JKAMP: variants seen among roughly 807,000 people sequenced by gnomAD.
JKAMP encodes JNK1/MAPK8 associated membrane protein.
Under a neutral mutation model 40.2 loss-of-function variants are expected in JKAMP, and 20 were observed. The ratio of observed to expected loss-of-function variants is 0.50; its 90% CI spans 0.35 to 0.72. JKAMP has a LOEUF of 0.72. Among genes scored for constraint, JKAMP ranks in the 30% least tolerant of loss-of-function variants. JKAMP has a pLI of 0.01. For synonymous variants in JKAMP, 138 were observed against 131.6 expected (o/e 1.05, Z -0.33); for missense variants, 276 against 373.0 (o/e 0.74, Z 2.14).
intron 3 of JKAMP, among the ~76,000 whole-genome samples, chr14:59,491,150 G>A (rs1192294863): frequency 6.6e-6 from 1 of 152,170 alleles, no homozygotes; most frequent in Non-Finnish European, 1.5e-5. Flanking sequence ...TAAAAACTGG[G>A]GATAACCCCT....
chr14:59,502,764 T>TTTGTTTTG (rs1566584020), intron 6 of JKAMP, among the ~76,000 whole-genome samples: 2 of 130,472 alleles, frequency 1.5e-5, no homozygotes, highest in African/African-American at 3.2e-5. Flanking sequence ...TTTTTTTTTT[T>TTTGTTTTG]TTTTTTTTTC....
chr14:59,495,292 T>C (rs1891363997), intron 4 of JKAMP, 68 bp downstream of exon 4: 2 of 1,280,750 alleles, frequency 1.6e-6, no homozygotes, highest in African/African-American at 1.5e-5. Flanking sequence ...ATAGATTTTA[T>C]GGCGTTTGGA....
At chr14:59,498,936 A>C (rs1431692081) in intron 5 of JKAMP, 28 bp downstream of exon 5, 2 of 1,376,448 alleles carry the variant, frequency 1.5e-6, no homozygotes, top group Admixed American at 4.3e-5. Context: ...AGTCAATGAA[A>C]TATATTTATT....
At chr14:59,496,494 T>C (rs1594944853) in intron 4 of JKAMP, among the ~76,000 whole-genome samples, 2 of 152,246 alleles carry the variant, frequency 1.3e-5, no homozygotes, top group South Asian at 2.1e-4. Context: ...TATTTAGCGA[T>C]AGTCTCATTT....
intron 3 of JKAMP, among the ~76,000 whole-genome samples, chr14:59,490,177 C>T (rs976605757): frequency 6.6e-6 from 1 of 152,198 alleles, no homozygotes; most frequent in African/African-American, 2.4e-5. Flanking sequence ...CTGCCTCAGC[C>T]TCCCAAAGTG....
At chr14:59,489,756 A>T (rs1890846197) in intron 3 of JKAMP, among the ~76,000 whole-genome samples, 1 of 152,178 alleles carries the variant, frequency 6.6e-6, no homozygotes, top group Non-Finnish European at 1.5e-5. Context: ...GAAGCATAGT[A>T]CTGGCATCTG....
intron 1 of JKAMP, chr14:59,484,977 A>T (rs1398365777): frequency 3.6e-5 from 56 of 1,565,852 alleles, no homozygotes; most frequent in Non-Finnish European, 4.8e-5. Flanking sequence ...TACTGCTTCA[A>T]CCTCAAACGT....
At chr14:59,496,023 C>T (rs897517133) in intron 4 of JKAMP, among the ~76,000 whole-genome samples, 3 of 152,214 alleles carry the variant, frequency 2.0e-5, no homozygotes, top group Admixed American at 2.0e-4. Context: ...TGTGCCTCAG[C>T]CTCCCAAGTA....
chr14:59,496,185 C>T (rs990777498), intron 4 of JKAMP, among the ~76,000 whole-genome samples: 1 of 152,006 alleles, frequency 6.6e-6, no homozygotes, highest in East Asian at 1.9e-4. Flanking sequence ...GGATTACAGG[C>T]GTGAGCCACT....
intron 3 of JKAMP, among the ~76,000 whole-genome samples, chr14:59,494,606 G>A: frequency 6.6e-6 from 1 of 152,226 alleles, no homozygotes. Context: ...CAGAGGTATG[G>A]ATGGGGAGGA....
chr14:59,487,634 AT>A, intron 2 of JKAMP, 39 bp from the exon 3 acceptor site: 6 of 1,518,800 alleles, frequency 4.0e-6, no homozygotes, highest in Non-Finnish European at 5.5e-6. Context: ...ATGTTGTAAA[AT>A]AATATCTGTA....
At chr14:59,502,649 AT>A (rs1316026152) in intron 6 of JKAMP, among the ~76,000 whole-genome samples, 1 of 152,126 alleles carries the variant, frequency 6.6e-6, no homozygotes, top group African/African-American at 2.4e-5. Flanking sequence ...TTGAAATATA[AT>A]TAAAGAAGAT....
chr14:59,486,596 A>C (rs1890594259), intron 1 of JKAMP, 117 bp from the exon 2 acceptor site: 1 of 700,306 alleles, frequency 1.4e-6, no homozygotes, highest in Admixed American at 2.7e-5. Context: ...ACTTTTGTCT[A>C]ATACATATTA....
At chr14:59,495,251 A>AT (rs1555339011) in intron 4 of JKAMP, 27 bp downstream of exon 4, 20 of 1,449,610 alleles carry the variant, frequency 1.4e-5, no homozygotes, top group Admixed American at 1.8e-5. Flanking sequence ...ACTTAAGATC[A>AT]TTGTTTTTTT....
rs1892254690 is a variant in JKAMP at position 59,505,107 on chromosome 14, T to G, written c.*1035T>G. 6.7e-6 allele frequency: 3 copies of G among 451,050 alleles called. No individual in the cohort carries two copies. The South Asian group carries it at 1.6e-4, about 24-fold the overall frequency. The allele number at this position is 451,050 out of a possible 1,614,324, so 27.9% of individuals were successfully genotyped here. A position where few individuals can be genotyped will look rare whatever the true frequency, so the allele number is the denominator to read the frequency against. Reference sequence around the variant, plus strand: ...TAGAAGTTTATTTACTGATACTTGGTGGAGGTTGTGTGAATTAGTTAAATT... The same window carrying G: ...TAGAAGTTTATTTACTGATACTTGGGGGAGGTTGTGTGAATTAGTTAAATT... On this transcript the variant is annotated 3_prime_UTR_variant, in exon 7 of 7. Coordinates refer to ENST00000616435, the MANE Select transcript of JKAMP (RefSeq NM_016475.5).
chr14:59,502,758 T>TTTTTGTTTTTGTTTTTG (rs1892009203), intron 6 of JKAMP, among the ~76,000 whole-genome samples: 1 of 130,856 alleles, frequency 7.6e-6, no homozygotes, highest in African/African-American at 2.9e-5. Context: ...AGATTTTTTT[T>TTTTTGTTTTTGTTTTTG]TTTTTTTTTT....
At chr14:59,484,991 T>C (rs1890416845) in intron 1 of JKAMP, 1 of 1,580,920 alleles carries the variant, frequency 6.3e-7, no homozygotes, top group Non-Finnish European at 8.5e-7. Flanking sequence ...CAAACGTAGA[T>C]TTATAGCGCC....
At chr14:59,491,897 G>A (rs1375162370) in intron 3 of JKAMP, among the ~76,000 whole-genome samples, 1 of 152,224 alleles carries the variant, frequency 6.6e-6, no homozygotes, top group Non-Finnish European at 1.5e-5. Context: ...GAAGCCTAAG[G>A]TAGTAGTGGC....
At chr14:59,502,213 T>C (rs1462113176) in intron 6 of JKAMP, among the ~76,000 whole-genome samples, 1 of 152,198 alleles carries the variant, frequency 6.6e-6, no homozygotes, top group Non-Finnish European at 1.5e-5. Context: ...ATATTACATT[T>C]AAATGATTGC....
Sources: gnomAD v4.1 joint callset for allele counts (sites outside exome capture counted in the v4.1 genomes callset) on GRCh38, gnomAD v4.1.1 for gene constraint, MANE v1.5 for transcripts, NCBI Gene and HGNC (gene_info 2026-07-23, HGNC 2026-07-21) for gene names.